Variants in FUBP1 observed in about 807,000 individuals in gnomAD.
The protein encoded by FUBP1 is far upstream element binding protein 1.
Under a neutral mutation model 94.9 loss-of-function variants are expected in FUBP1, and 16 were observed. The ratio of observed to expected loss-of-function variants is 0.17; its 90% confidence interval spans 0.11 to 0.26. FUBP1 has a LOEUF of 0.26. FUBP1 is among the 10% of genes least tolerant of loss of function. FUBP1 has a pLI of 1.00. For synonymous variants in FUBP1, 279 were observed against 254.9 expected, an observed-to-expected ratio of 1.09 and a Z score of -0.90; for missense variants, 583 against 808.6, an observed-to-expected ratio of 0.72 and a Z score of 3.38.
Position 77,956,700 on chromosome 1 carries a change from G to A in FUBP1, c.1577C>T (p.Ala526Val), listed in dbSNP as rs1654521281. 6.2e-7 allele frequency: 1 copy of A among 1,609,024 alleles called. No individual in the cohort carries two copies. Among genetic ancestry groups the A allele is most frequent in the Non-Finnish European group, 8.5e-7 (1 of 1,176,382 alleles). Reference protein sequence around the residue: ...HWQQQAPPDPAKAGTDPNSAA... With the variant: ...HWQQQAPPDPVKAGTDPNSAA... Reference sequence around the variant, plus strand: ...TGAATTTGGATCCGTTCCTGCCTTAGCTAAAATAAATGAAAGTTCAAGGTT... The same window carrying A: ...TGAATTTGGATCCGTTCCTGCCTTAACTAAAATAAATGAAAGTTCAAGGTT... The change falls in exon 17 of 20, where the codon GCT (alanine) becomes GTT (valine). Residue 526 changes from alanine (A) to valine (V), a missense_variant and splice_region_variant. Ala to Val is a moderately conservative substitution (Grantham distance 64, BLOSUM62 0). Transcript: ENST00000370768.
chr1:77,948,898 G>C (rs762003740), intron 19 of FUBP1, 124 bp from the exon 20 acceptor site: 35 of 1,318,244 alleles, frequency 2.7e-5, no homozygotes, highest in Non-Finnish European at 3.6e-5. Flanking sequence ...GTGGCTTCTT[G>C]CATGATTTGC....
In FUBP1 at chr1:77,967,035, A is replaced by C. The variant is rs2102424863; in HGVS notation, c.343+14T>G. On this transcript the variant is annotated intron_variant, in intron 5 of 19. Transcript: ENST00000370768. ...TGATCATGTTTTCAAAACTTTAAAA[A>C]TCAAGTTACTTACTGAATCCAACCA... 6.4e-7 allele frequency: 1 copy of C among 1,572,036 alleles called. No individual in the cohort carries two copies. Among genetic ancestry groups the C allele is most frequent in the South Asian group, 1.1e-5 (1 of 88,820 alleles).
At chr1:77,966,823 A>G in intron 6 of FUBP1, 61 bp downstream of exon 6, 1 of 341,418 alleles carries the variant, frequency 2.9e-6, no homozygotes, top group Non-Finnish European at 4.8e-6. Flanking sequence ...TAGAAGGCTT[A>G]AAAAAAAAAA....
chr1:77,948,703 T>C lies in FUBP1; in HGVS notation c.*63A>G. On this transcript the variant is annotated 3_prime_UTR_variant, in exon 20 of 20. Transcript: ENST00000370768. ...ATCTTCATCAAGTCGTCTGCATCCA[T>C]ATATTTAACAAAGGTTTTTTTCCCC... 1.9e-6 allele frequency: 3 copies of C among 1,577,944 alleles called. No homozygotes were observed. Among genetic ancestry groups the C allele is most frequent in the East Asian group, 4.5e-5 (2 of 43,996 alleles).
intron 10 of FUBP1, 87 bp from the exon 11 acceptor site, chr1:77,964,443 G>T: frequency 1.2e-6 from 1 of 808,392 alleles, no homozygotes; most frequent in Non-Finnish European, 2.0e-6. Context: ...GCCATTTCCT[G>T]AAAATCTGCC....
At chr1:77,979,406 C>T (rs1051185132), upstream of FUBP1, 5 of 189,680 alleles carry the variant, frequency 2.6e-5, no homozygotes, top group Admixed American at 1.8e-4. Flanking sequence ...CCGGTCGCTG[C>T]CTCAGGGAGG....
At chr1:77,952,238 CAAAAAAATAAAATAA>C (rs1015867224) in intron 18 of FUBP1, among the ~76,000 whole-genome samples, 18 of 150,818 alleles carry the variant, frequency 1.2e-4, no homozygotes, top group African/African-American at 2.9e-4. Flanking sequence ...GGCTCCATCT[CAAAAAAATAAAATAA>C]AAAAAAATAA....
At chr1:77,979,246 C>A (rs1165635288), upstream of FUBP1, 9 of 475,946 alleles carry the variant, frequency 1.9e-5, no homozygotes, top group Non-Finnish European at 3.4e-5. Context: ...TTTAAGACTT[C>A]GCGAGAACAG....
At chr1:77,973,529 A>T (rs1380540064) in intron 1 of FUBP1, among the ~76,000 whole-genome samples, 1 of 152,252 alleles carries the variant, frequency 6.6e-6, no homozygotes, top group Non-Finnish European at 1.5e-5. Context: ...TACAGGCGTA[A>T]GCCACCATGC....
In FUBP1 at chr1:77,967,557, T is replaced by C. The variant is rs1571325704; in HGVS notation, c.290+70A>G. 5.5e-6 allele frequency: 6 copies of C among 1,099,366 alleles called. No individual in the cohort carries two copies. The East Asian group carries it at 9.5e-5, about 17-fold the overall frequency. 68.1% of individuals were successfully genotyped at this position (1,099,366 alleles called of 1,614,324 possible). A position where few individuals can be genotyped will look rare whatever the true frequency, so the allele number is the denominator to read the frequency against. ...CAGACACATATTCAATATACACCAA[T>C]GTGGTTGTGTTTTTACATACAGCTC... is the stretch of plus-strand genomic sequence containing the variant. On this transcript the variant is annotated intron_variant, in intron 4 of 19. Coordinates refer to ENST00000370768, the MANE Select transcript of FUBP1 (RefSeq NM_003902.5).
rs749339296 is a variant in FUBP1, at chr1:77,960,141, G to A, written c.1576+43C>T. 3 of 1,349,540 alleles carry A rather than the reference G, an allele frequency of 2.2e-6. No homozygotes were observed. In the South Asian group the frequency reaches 3.6e-5, roughly 16 times the overall value. The allele number at this position is 1,349,540 out of a possible 1,614,324, so 83.6% of individuals were successfully genotyped here. On this transcript the variant is annotated intron_variant, in intron 16 of 19. Transcript: ENST00000370768. ...GAAAATTTAATAATGTAACAGGAGT[G>A]GAAAATAATACAGATAACACACAAA...
intron 17 of FUBP1, among the ~76,000 whole-genome samples, chr1:77,956,241 A>G (rs945468264): frequency 2.6e-5 from 4 of 152,190 alleles, no homozygotes; most frequent in African/African-American, 9.7e-5. Flanking sequence ...TTCTTTCAGA[A>G]CTAATTATGC....
At position 77,970,978 on chromosome 1, in the gene FUBP1, G is replaced by A. The variant is rs146521894; in HGVS notation, c.121-963C>T. On this transcript the variant is annotated intron_variant, in intron 1 of 19. Transcript: ENST00000370768. The stretch of plus-strand genomic sequence containing the variant: ...GAATCACTTGAACCCAGGAGGTGGA[G>A]GTTGCAGTGCACCAATATCATGCCC... Among the ~76,000 whole-genome samples the A allele has an allele frequency of 2.4e-4, 37 of 152,170 alleles. 1 individual carries two copies. Among genetic ancestry groups the A allele is most frequent in the East Asian group, 1.4e-3 (7 of 5,182 alleles).
At position 77,947,634 on chromosome 1, in the gene FUBP1, G is replaced by A. The variant is rs915122130; in HGVS notation, c.*1132C>T. The A allele has an allele frequency of 1.4e-5, 12 of 861,356 alleles. No individual in the cohort carries two copies. The African/African-American group carries it at 1.7e-4, about 12-fold the overall frequency. 53.4% of individuals were successfully genotyped at this position (861,356 alleles called of 1,614,324 possible). On this transcript the variant is annotated 3_prime_UTR_variant, in exon 20 of 20. Transcript: ENST00000370768. ...TGCAAAGAGCCAACAAATATGCAAA[G>A]AGTAAAACAATGGATTTCAACAAAA... is the stretch of plus-strand genomic sequence containing the variant.
At chr1:77,972,922 GC>G (rs1657853159) in intron 1 of FUBP1, among the ~76,000 whole-genome samples, 1 of 151,460 alleles carries the variant, frequency 6.6e-6, no homozygotes, top group South Asian at 2.1e-4. Flanking sequence ...AGGCTCAGTG[GC>G]ACCTGCAGCC....
chr1:77,953,654 G>A (rs572547377), intron 18 of FUBP1, among the ~76,000 whole-genome samples: 174 of 151,970 alleles, frequency 1.1e-3, no homozygotes, highest in African/African-American at 4.0e-3. Context: ...ATTCAAGACA[G>A]TATAGTATAG....
At chr1:77,951,239 C>T (rs1024998762) in intron 18 of FUBP1, among the ~76,000 whole-genome samples, 1 of 152,172 alleles carries the variant, frequency 6.6e-6, no homozygotes, top group Non-Finnish European at 1.5e-5. Context: ...TAGAAACAGG[C>T]ATATGCATCA....
At chr1:77,974,140 T>G (rs1456696105) in intron 1 of FUBP1, among the ~76,000 whole-genome samples, 2 of 149,320 alleles carry the variant, frequency 1.3e-5, no homozygotes, top group African/African-American at 4.9e-5. Context: ...TTTGGTTTTT[T>G]TTTTTTTTTT....
Position 77,964,909 on chromosome 1 carries a change from G to A in FUBP1, c.696C>T (p.Asp232=), listed in dbSNP as rs1339970325. 1 of 1,611,554 alleles carries A rather than the reference G, an allele frequency of 6.2e-7. No individual in the cohort carries two copies. The highest frequency in any genetic ancestry group is 1.3e-5 in the African/African-American group (1 of 74,880). Residue 232 remains aspartate, a synonymous_variant, in exon 9 of 20, where the codon GAC becomes GAT. Transcript: ENST00000370768. ...GGTCTCCTGTAATCCTAAGAGGTTT[G>A]TCAGCACCAGTGTTCTGCGGCCCGT... ...IQDGPQNTGA[D]KPLRITGDPY...
Sources: allele counts gnomAD v4.1 joint callset (sites outside exome capture counted in the v4.1 genomes callset), GRCh38; gene constraint gnomAD v4.1.1; transcripts MANE v1.5; gene names NCBI Gene and HGNC (gene_info 2026-07-23, HGNC 2026-07-21).